Variants in FGD4 observed in about 807,000 individuals in gnomAD.
FGD4 encodes the protein FYVE, RhoGEF and PH domain containing 4, also known as FYVE, RhoGEF and PH domain-containing protein 4.
FGD4 carries 42 observed loss-of-function variants against 102.0 expected under a neutral mutation model. The ratio of observed to expected loss-of-function variants is 0.41; its 90% CI spans 0.32 to 0.53. The LOEUF (loss-of-function observed/expected upper bound fraction) is 0.53, where lower values mean the gene tolerates loss of function less well. FGD4 is among the 20% of genes least tolerant of loss of function. FGD4 has a pLI of 0.21. For missense variants in FGD4, 902 were observed against 1,078.2 expected, an observed-to-expected ratio of 0.84 and a Z score of 2.29; for synonymous variants, 380 against 375.7, an observed-to-expected ratio of 1.01 and a Z score of -0.13.
rs529590473 is a variant in FGD4 at position 32,409,374 on chromosome 12, C to T, written c.166+9415C>T. Among the ~76,000 whole-genome samples the T allele has an allele frequency of 2.4e-4, 37 of 151,414 alleles. No homozygotes were observed. In the South Asian group the frequency reaches 5.2e-3, roughly 21 times the overall value. ...TGCGATCTCCGCTCCCTGCAACCTC[C>T]GCCTCCCAGGTTCAAGTGATTCTCC... On this transcript the variant is annotated intron_variant, in intron 1 of 16. Coordinates refer to ENST00000534526, the MANE Select transcript of FGD4 (RefSeq NM_001370298.3).
At chr12:32,459,386 G>T (rs1321036643) in intron 1 of FGD4, among the ~76,000 whole-genome samples, 1 of 151,926 alleles carries the variant, frequency 6.6e-6, no homozygotes, top group East Asian at 1.9e-4. Flanking sequence ...TAGAGATGGG[G>T]TCTTGCCATG....
Position 32,610,849 on chromosome 12 carries a change from G to T in FGD4, c.1602+15G>T, listed in dbSNP as rs1254064509. 1.2e-6 allele frequency: 2 copies of T among 1,612,230 alleles called. No homozygotes were observed. Among genetic ancestry groups the T allele is most frequent in the Admixed American group, 1.7e-5 (1 of 60,002 alleles). ...TAAGGAAAATGGTAAGTGGTTTTCG[G>T]AGGAGACAGGAACCTCTGATTAGAC... On this transcript the variant is annotated intron_variant, in intron 9 of 16. Coordinates refer to ENST00000534526, the MANE Select transcript of FGD4 (RefSeq NM_001370298.3).
intron 1 of FGD4, among the ~76,000 whole-genome samples, chr12:32,408,165 AT>A (rs35583015): frequency 0.5 from 57,722 of 115,664 alleles, 15,151 homozygotes; most frequent in African/African-American, 0.67. Context: ...TGTCCAGCCA[AT>A]TTTTTTTTTT....
At chr12:32,418,667 C>A (rs1404809328) in intron 1 of FGD4, among the ~76,000 whole-genome samples, 1 of 152,152 alleles carries the variant, frequency 6.6e-6, no homozygotes, top group Non-Finnish European at 1.5e-5. Flanking sequence ...GACCCGAAGC[C>A]AGGATAGCAC....
At chr12:32,547,574 C>G (rs567040392) in intron 1 of FGD4, among the ~76,000 whole-genome samples, 1 of 152,200 alleles carries the variant, frequency 6.6e-6, no homozygotes, top group Non-Finnish European at 1.5e-5. Flanking sequence ...ATATAAGGTG[C>G]TTTGCACAAT....
chr12:32,535,835 G>A (rs895525027), intron 1 of FGD4, among the ~76,000 whole-genome samples: 3 of 152,170 alleles, frequency 2.0e-5, no homozygotes, highest in Admixed American at 6.5e-5. Context: ...AGAACAGGAA[G>A]ATGAAGCTTG....
chr12:32,480,208 C>T (rs2136542488), intron 1 of FGD4, among the ~76,000 whole-genome samples: 1 of 150,656 alleles, frequency 6.6e-6, no homozygotes, highest in South Asian at 2.1e-4. Context: ...TCACCCAGAG[C>T]TGGAGTGCCG....
intron 1 of FGD4, among the ~76,000 whole-genome samples, chr12:32,405,190 C>T (rs2136382996): frequency 6.6e-6 from 1 of 151,934 alleles, no homozygotes; most frequent in East Asian, 1.9e-4. Flanking sequence ...GCCTCAGCCT[C>T]CCGAAGTGCT....
chr12:32,472,976 G>A (rs1943460326), intron 1 of FGD4, among the ~76,000 whole-genome samples: 1 of 152,012 alleles, frequency 6.6e-6, no homozygotes, highest in Non-Finnish European at 1.5e-5. Context: ...ACACCAATCA[G>A]CACCCTGTGT....
intron 1 of FGD4, among the ~76,000 whole-genome samples, chr12:32,409,170 A>G (rs570428200): frequency 4.6e-5 from 7 of 152,142 alleles, no homozygotes; most frequent in African/African-American, 1.7e-4. Context: ...ACCAGTTCTT[A>G]TCAGTTTTCC....
intron 1 of FGD4, among the ~76,000 whole-genome samples, chr12:32,524,119 G>A (rs571858756): frequency 4.7e-4 from 72 of 151,970 alleles, no homozygotes; most frequent in African/African-American, 1.5e-3. Context: ...TAAATTGGCC[G>A]GGTGCGGTGG....
At chr12:32,607,243 A>C (rs1040127503) in intron 7 of FGD4, among the ~76,000 whole-genome samples, 1 of 151,988 alleles carries the variant, frequency 6.6e-6, no homozygotes, top group Non-Finnish European at 1.5e-5. Flanking sequence ...GTAGTTCTCA[A>C]CTTCAGTGTT....
intron 10 of FGD4, among the ~76,000 whole-genome samples, chr12:32,612,329 C>T (rs1949191506): frequency 4.6e-5 from 7 of 152,204 alleles, no homozygotes; most frequent in Admixed American, 3.9e-4. Flanking sequence ...ATTCACGTAC[C>T]CCTTGCTGCT....
chr12:32,402,389 C>A (rs1214929673), intron 1 of FGD4, among the ~76,000 whole-genome samples: 1 of 151,436 alleles, frequency 6.6e-6, no homozygotes, highest in Non-Finnish European at 1.5e-5. Flanking sequence ...CAGAGTGAGA[C>A]CCTGTCTCAA....
chr12:32,404,086 CTT>C (rs35761761), intron 1 of FGD4, among the ~76,000 whole-genome samples: 15 of 145,164 alleles, frequency 1.0e-4, no homozygotes, highest in Admixed American at 2.7e-4. Context: ...GTTTTGGGTT[CTT>C]TTTTTTTTTT....
intron 1 of FGD4, among the ~76,000 whole-genome samples, chr12:32,507,808 A>C (rs1246346732): frequency 2.0e-5 from 3 of 152,148 alleles, no homozygotes; most frequent in Non-Finnish European, 4.4e-5. Flanking sequence ...GGTATTAAGG[A>C]AGTTGTGTTC....
intron 1 of FGD4, among the ~76,000 whole-genome samples, chr12:32,458,845 T>C (rs1943021136): frequency 1.3e-5 from 2 of 152,224 alleles, no homozygotes; most frequent in South Asian, 4.1e-4. Flanking sequence ...GTTTTTGTTT[T>C]AGGAAGCATT....
At chr12:32,472,528 CG>C (rs1351183694) in intron 1 of FGD4, among the ~76,000 whole-genome samples, 1 of 152,252 alleles carries the variant, frequency 6.6e-6, no homozygotes, top group Non-Finnish European at 1.5e-5. Flanking sequence ...TGCCTTTCCA[CG>C]GGGCAGGGCT....
chr12:32,548,286 ATGAAGTGTTT>A (rs1348977184), intron 1 of FGD4, among the ~76,000 whole-genome samples: 3 of 152,184 alleles, frequency 2.0e-5, no homozygotes. Flanking sequence ...TTCTTATCAA[ATGAAGTGTTT>A]TGTCCGATCT....
Sources: allele counts gnomAD v4.1 joint callset (sites outside exome capture counted in the v4.1 genomes callset), GRCh38; gene constraint gnomAD v4.1.1; transcripts MANE v1.5; gene names NCBI Gene and HGNC (gene_info 2026-07-23, HGNC 2026-07-21).